Variants in SLC12A8 observed in about 807,000 individuals in gnomAD.
SLC12A8 encodes cation-chloride cotransporter 9.
Under a neutral mutation model 75.6 loss-of-function variants are expected in SLC12A8, and 69 were observed. That is an observed-to-expected ratio of 0.91 (90% CI 0.75 to 1.11). The LOEUF (loss-of-function observed/expected upper bound fraction) is 1.11. Ranked by LOEUF, SLC12A8 falls within the 50% of genes most tolerant of loss-of-function variation. The pLI is 0.00. For synonymous variants in SLC12A8, 365 were observed against 372.8 expected (o/e 0.98, Z 0.24); for missense variants, 877 against 896.7 (o/e 0.98, Z 0.28).
rs201459837 is a variant in SLC12A8, at chr3:125,085,901, A to AT, written c.1983-1850dup. ...AATCTCTATTTTAAAATAAATCACC[A>AT]TTTTTTTTTCTTTTTTTTTTTGAGA... is the stretch of plus-strand genomic sequence containing the variant. On this transcript the variant is annotated intron_variant, in intron 13 of 13. Coordinates refer to ENST00000469902, the MANE Select transcript of SLC12A8 (RefSeq NM_024628.6). 4.2e-3 allele frequency among the ~76,000 whole-genome samples: 547 copies of AT among 131,762 alleles called. 6 individuals carry two copies. The highest frequency in any genetic ancestry group is 0.014 in the African/African-American group (505 of 34,964). The allele number at this position is 131,762 out of a possible 152,430, so 86.4% of individuals were successfully genotyped here.
chr3:125,153,628 GTATTTATT>G, intron 5 of SLC12A8, among the ~76,000 whole-genome samples: 1 of 149,012 alleles, frequency 6.7e-6, no homozygotes, highest in Non-Finnish European at 1.5e-5. Flanking sequence ...TGAAATTTAT[GTATTTATT>G]TATTTATTTA....
intron 6 of SLC12A8, among the ~76,000 whole-genome samples, chr3:125,135,341 A>G (rs1057436772): frequency 6.6e-6 from 1 of 152,194 alleles, no homozygotes; most frequent in African/African-American, 2.4e-5. Flanking sequence ...TGAGATATGT[A>G]TCCTTTCTAT....
chr3:125,179,157 A>G (rs1357100222), intron 4 of SLC12A8, among the ~76,000 whole-genome samples: 1 of 152,098 alleles, frequency 6.6e-6, no homozygotes, highest in Admixed American at 6.6e-5. Flanking sequence ...TTAGGGCCTC[A>G]TTCGTTCAAG....
At chr3:125,152,769 C>T (rs888498219) in intron 5 of SLC12A8, among the ~76,000 whole-genome samples, 1 of 152,204 alleles carries the variant, frequency 6.6e-6, no homozygotes, top group African/African-American at 2.4e-5. Context: ...CGGTGACTTG[C>T]CCACAGCCAC....
chr3:125,178,697 A>G (rs1436357697), intron 4 of SLC12A8, among the ~76,000 whole-genome samples: 1 of 152,208 alleles, frequency 6.6e-6, no homozygotes, highest in Non-Finnish European at 1.5e-5. Flanking sequence ...CTGATTTTCT[A>G]TCTAACCCAG....
rs1276782804 is a variant in SLC12A8 at position 125,100,740 on chromosome 3, G to A, written c.1705+6741C>T. ...ATCTTAAAGATGATTTAGGCCGGGC[G>A]CGGTGGCTCACGCCTGTAATCCCAG... On this transcript the variant is annotated intron_variant, in intron 10 of 13. Coordinates refer to ENST00000469902, the MANE Select transcript of SLC12A8 (RefSeq NM_024628.6). Among the ~76,000 whole-genome samples, 7 of 150,258 alleles carry A rather than the reference G, an allele frequency of 4.7e-5. No homozygotes were observed. The East Asian group carries it at 1.0e-3, about 21-fold the overall frequency.
chr3:125,175,786 C>T (rs1429742984), intron 5 of SLC12A8, among the ~76,000 whole-genome samples: 13 of 152,008 alleles, frequency 8.6e-5, no homozygotes, highest in Non-Finnish European at 5.9e-5. Flanking sequence ...TGTTTCCTTC[C>T]TGGAGATGCG....
chr3:125,189,467 A>G (rs1315134532), intron 3 of SLC12A8, among the ~76,000 whole-genome samples: 1 of 152,210 alleles, frequency 6.6e-6, no homozygotes, highest in African/African-American at 2.4e-5. Flanking sequence ...CTGACACCTC[A>G]GTGACTGCAG....
intron 2 of SLC12A8, among the ~76,000 whole-genome samples, chr3:125,201,126 C>T (rs542709086): frequency 5.3e-5 from 8 of 152,234 alleles, no homozygotes; most frequent in South Asian, 4.2e-4. Flanking sequence ...AGGCTGGACA[C>T]GGTGGCTCAC....
At chr3:125,186,622 C>T (rs1426780996) in intron 4 of SLC12A8, among the ~76,000 whole-genome samples, 1 of 152,256 alleles carries the variant, frequency 6.6e-6, no homozygotes, top group African/African-American at 2.4e-5. Context: ...AGTCACCATG[C>T]CTGTGTTTTA....
chr3:125,096,979 T>C (rs1938728782), intron 10 of SLC12A8, among the ~76,000 whole-genome samples: 1 of 152,226 alleles, frequency 6.6e-6, no homozygotes, highest in African/African-American at 2.4e-5. Context: ...TGTATAGTTT[T>C]AACAATTTAA....
intron 9 of SLC12A8, among the ~76,000 whole-genome samples, chr3:125,109,569 C>T (rs1408645203): frequency 1.3e-5 from 2 of 152,180 alleles, no homozygotes; most frequent in Non-Finnish European, 2.9e-5. Flanking sequence ...AGCTTGCAAA[C>T]CATATTAGTG....
intron 2 of SLC12A8, among the ~76,000 whole-genome samples, chr3:125,203,454 T>C (rs1935166713): frequency 6.6e-6 from 1 of 152,158 alleles, no homozygotes; most frequent in Non-Finnish European, 1.5e-5. Flanking sequence ...AGCCAACTGA[T>C]TTTCAACAAA....
At chr3:125,124,314 G>GTGTT (rs895678438) in intron 6 of SLC12A8, among the ~76,000 whole-genome samples, 2 of 152,064 alleles carry the variant, frequency 1.3e-5, no homozygotes, top group African/African-American at 2.4e-5. Flanking sequence ...ACATTTGTTT[G>GTGTT]TGTTTGTTTG....
At chr3:125,199,661 G>A (rs557629049) in intron 2 of SLC12A8, among the ~76,000 whole-genome samples, 40 of 151,702 alleles carry the variant, frequency 2.6e-4, no homozygotes, top group South Asian at 1.0e-3. Context: ...TGGGAGGATC[G>A]CTTGAGCCCA....
chr3:125,190,320 G>C, intron 3 of SLC12A8, 55 bp downstream of exon 3: 2 of 1,596,976 alleles, frequency 1.3e-6, no homozygotes, highest in South Asian at 2.3e-5. Context: ...AAGAGTGGCA[G>C]AGCTTTCCTG....
intron 6 of SLC12A8, among the ~76,000 whole-genome samples, chr3:125,129,734 C>T (rs1047895693): frequency 6.6e-6 from 1 of 152,206 alleles, no homozygotes; most frequent in African/African-American, 2.4e-5. Flanking sequence ...GGAGCTAATC[C>T]TTAGCAAATC....
intron 10 of SLC12A8, among the ~76,000 whole-genome samples, chr3:125,106,656 A>G (rs1389928366): frequency 1.3e-5 from 2 of 152,090 alleles, no homozygotes; most frequent in Non-Finnish European, 2.9e-5. Flanking sequence ...CGGCCAAAAC[A>G]CTATTTTTCA....
intron 4 of SLC12A8, among the ~76,000 whole-genome samples, chr3:125,184,896 G>A (rs6768066): frequency 0.019 from 2,827 of 152,046 alleles, 86 homozygotes; most frequent in African/African-American, 0.064. Context: ...CAAGAAAAAA[G>A]AAAGAGAAGA....
Sources: gnomAD v4.1 joint callset for allele counts (sites outside exome capture counted in the v4.1 genomes callset) on GRCh38, gnomAD v4.1.1 for gene constraint, MANE v1.5 for transcripts, NCBI Gene and HGNC (gene_info 2026-07-23, HGNC 2026-07-21) for gene names.